Variants in AGTPBP1 observed in about 807,000 individuals in gnomAD.
The protein encoded by AGTPBP1 is cytosolic carboxypeptidase 1.
A neutral mutation model predicts 143.9 loss-of-function variants in AGTPBP1; 70 were observed. The ratio of observed to expected loss-of-function variants is 0.49; its 90% CI spans 0.40 to 0.59. The LOEUF is 0.59. Among genes scored for constraint, AGTPBP1 ranks in the 20% least tolerant of loss-of-function variants. AGTPBP1 has a pLI of 0.00. For missense variants in AGTPBP1, 1,229 were observed against 1,464.5 expected (o/e 0.84, Z 2.62); for synonymous variants, 463 against 500.2 (o/e 0.93, Z 0.99).
At chr9:85,797,808 G>A in the AGTPBP1 span, among the ~76,000 whole-genome samples, 12 of 152,286 alleles carry the variant, frequency 7.9e-5, no homozygotes, top group South Asian at 4.1e-4. Context: ...CACACACCAC[G>A]GGTTGGAAAA....
chr9:85,671,149 T>G (rs1834456088), intron 7 of AGTPBP1, among the ~76,000 whole-genome samples: 1 of 151,974 alleles, frequency 6.6e-6, no homozygotes, highest in South Asian at 2.1e-4. Flanking sequence ...CATCTCACTA[T>G]GTTGCCCAGG....
the AGTPBP1 span, among the ~76,000 whole-genome samples, chr9:85,780,932 T>A: frequency 2.0e-5 from 3 of 152,160 alleles, no homozygotes; most frequent in Non-Finnish European, 2.9e-5. Flanking sequence ...CTGGCTAACA[T>A]GATGAAACCT....
chr9:85,725,922 G>A (rs1351819100), intron 1 of AGTPBP1, among the ~76,000 whole-genome samples: 4 of 151,602 alleles, frequency 2.6e-5, no homozygotes, highest in African/African-American at 9.7e-5. Context: ...GGTGGCACAC[G>A]CCTGTAATCC....
At chr9:85,595,279 T>G (rs1473112559) in intron 18 of AGTPBP1, among the ~76,000 whole-genome samples, 2 of 152,174 alleles carry the variant, frequency 1.3e-5, no homozygotes, top group Non-Finnish European at 2.9e-5. Flanking sequence ...ACAAGGGCAT[T>G]AGTGCCAGTA....
intron 4 of AGTPBP1, among the ~76,000 whole-genome samples, chr9:85,679,546 T>G (rs1399970344): frequency 1.3e-5 from 2 of 152,164 alleles, no homozygotes; most frequent in Non-Finnish European, 2.9e-5. Context: ...CAGCTGGGAC[T>G]ACAGGCGTCC....
chr9:85,747,853 G>A, the AGTPBP1 span, among the ~76,000 whole-genome samples: 3 of 152,120 alleles, frequency 2.0e-5, no homozygotes, highest in African/African-American at 7.2e-5. Flanking sequence ...TATAGCAATA[G>A]TTAACATTTA....
At chr9:85,788,878 A>G in the AGTPBP1 span, among the ~76,000 whole-genome samples, 5 of 151,562 alleles carry the variant, frequency 3.3e-5, no homozygotes, top group African/African-American at 1.2e-4. Context: ...ATAAATATTT[A>G]TTAATGAAGA....
At chr9:85,593,431 CA>C (rs1829095797) in intron 18 of AGTPBP1, among the ~76,000 whole-genome samples, 1 of 152,074 alleles carries the variant, frequency 6.6e-6, no homozygotes. Flanking sequence ...AATTCAAAAG[CA>C]ATGTGTGATC....
intron 17 of AGTPBP1, among the ~76,000 whole-genome samples, chr9:85,611,149 G>T (rs1830288322): frequency 8.0e-6 from 1 of 125,624 alleles, no homozygotes; most frequent in African/African-American, 3.2e-5. Flanking sequence ...TGGTTTAGGG[G>T]CTTTTCTTTT....
chr9:85,716,625 C>T (rs1044864294), intron 1 of AGTPBP1, among the ~76,000 whole-genome samples: 2 of 152,142 alleles, frequency 1.3e-5, no homozygotes, highest in African/African-American at 4.8e-5. Context: ...AAAATATATC[C>T]AGAATCTGAT....
At chr9:85,618,043 C>T (rs112921070) in intron 17 of AGTPBP1, among the ~76,000 whole-genome samples, 6,394 of 152,112 alleles carry the variant, frequency 0.042, 480 homozygotes, top group African/African-American at 0.15. Flanking sequence ...AGTGCGAGAC[C>T]AGCCTGGCCA....
At chr9:85,738,789 T>G (rs1270979771) in intron 1 of AGTPBP1, among the ~76,000 whole-genome samples, 2 of 152,092 alleles carry the variant, frequency 1.3e-5, no homozygotes, top group Admixed American at 1.3e-4. Context: ...GACTAAGCTC[T>G]CATTTAACCC....
chr9:85,677,767 C>T (rs1380734753), intron 5 of AGTPBP1, among the ~76,000 whole-genome samples, 185 bp from the exon 6 acceptor site: 1 of 152,084 alleles, frequency 6.6e-6, no homozygotes, highest in African/African-American at 2.4e-5. Context: ...CTTAGGGAGG[C>T]CGAGGCAGGC....
At chr9:85,751,644 TCA>T in the AGTPBP1 span, among the ~76,000 whole-genome samples, 1 of 152,110 alleles carries the variant, frequency 6.6e-6, no homozygotes, top group African/African-American at 2.4e-5. Flanking sequence ...AGACAGAGTC[TCA>T]CTCTGTCACC....
At chr9:85,802,875 G>A in the AGTPBP1 span, among the ~76,000 whole-genome samples, 1 of 152,214 alleles carries the variant, frequency 6.6e-6, no homozygotes, top group Admixed American at 6.5e-5. Flanking sequence ...TACTCTCAAA[G>A]TAAACGCCTT....
intron 24 of AGTPBP1, among the ~76,000 whole-genome samples, chr9:85,577,967 T>C (rs561062108): frequency 3.9e-5 from 6 of 152,262 alleles, no homozygotes; most frequent in African/African-American, 1.4e-4. Flanking sequence ...TTATGTGAGG[T>C]ATATAAAAAT....
intron 25 of AGTPBP1, among the ~76,000 whole-genome samples, chr9:85,550,104 T>C (rs557921265): frequency 3.9e-5 from 6 of 152,052 alleles, no homozygotes; most frequent in Admixed American, 3.3e-4. Context: ...TCGGGCACAT[T>C]AGTCAGGCTG....
At chr9:85,581,007 T>C (rs531225484) in intron 23 of AGTPBP1, among the ~76,000 whole-genome samples, 2 of 152,348 alleles carry the variant, frequency 1.3e-5, no homozygotes, top group South Asian at 4.1e-4. Flanking sequence ...AACTGTCTAG[T>C]ATTAAGAGAA....
the AGTPBP1 span, chr9:85,755,917 A>G: frequency 3.8e-6 from 2 of 520,850 alleles, no homozygotes; most frequent in Non-Finnish European, 6.5e-6. Flanking sequence ...AGAACCACTG[A>G]TGTCTTTAGG....
Sources: gnomAD v4.1 joint callset for allele counts (sites outside exome capture counted in the v4.1 genomes callset) on GRCh38, gnomAD v4.1.1 for gene constraint, MANE v1.5 for transcripts, NCBI Gene and HGNC (gene_info 2026-07-23, HGNC 2026-07-21) for gene names.